The following KIF26A variants were observed in gnomAD, a reference collection of about 807,000 sequenced individuals.
KIF26A encodes kinesin family member 26A.
In KIF26A, 74 loss-of-function variants were observed where a neutral mutation model predicts 126.0. The ratio of observed to expected loss-of-function variants is 0.59; its 90% CI spans 0.49 to 0.71. The LOEUF is 0.71. Among genes scored for constraint, KIF26A ranks in the 30% least tolerant of loss-of-function variants. The pLI, the probability that KIF26A is intolerant of heterozygous loss-of-function variation, is 0.00. For missense variants in KIF26A, 2,984 were observed against 2,763.3 expected (o/e 1.08, Z -1.79); for synonymous variants, 1,445 against 1,232.7 (o/e 1.17, Z -3.61).
chr14:104,176,633 G>C lies in KIF26A; in HGVS notation c.3845G>C (p.Arg1282Thr). Reference protein sequence around the residue: ...EAQVMLACAQRVVDGCEVAAR... With the variant: ...EAQVMLACAQTVVDGCEVAAR... ...CAGGTGATGCTAGCCTGTGCCCAGA[G>C]AGTGGTGGACGGGTGTGAGGTGGCA... is the stretch of plus-strand genomic sequence containing the variant. Residue 1282 changes from arginine (R) to threonine (T), a missense_variant, in exon 12 of 15, where the codon AGA (arginine) becomes ACA (threonine). By Grantham distance (71) the Arg-to-Thr change is moderately conservative. Coordinates refer to ENST00000423312, the MANE Select transcript of KIF26A (RefSeq NM_015656.2). The C allele has an allele frequency of 1.2e-6, 2 of 1,607,940 alleles. No homozygotes were observed. The highest frequency in any genetic ancestry group is 1.7e-6 in the Non-Finnish European group (2 of 1,178,388).
At chr14:104,157,145 G>T (rs923360705) in intron 3 of KIF26A, among the ~76,000 whole-genome samples, 6 of 152,192 alleles carry the variant, frequency 3.9e-5, no homozygotes, top group Admixed American at 6.5e-5. Flanking sequence ...GCTCACGTTT[G>T]CTGGGCTGTC....
At chr14:104,164,305 A>G (rs2037860312) in intron 4 of KIF26A, among the ~76,000 whole-genome samples, 1 of 150,994 alleles carries the variant, frequency 6.6e-6, no homozygotes, top group African/African-American at 2.4e-5. Flanking sequence ...GGGTCGGGGG[A>G]GCGCCGGTGG....
In KIF26A at chr14:104,172,630, C is replaced by T; in HGVS notation, c.1382C>T (p.Ala461Val). Residue 461 changes from alanine to valine, a missense_variant, in exon 7 of 15, where the codon GCT becomes GTT. By Grantham distance (64) the Ala-to-Val change is moderately conservative (BLOSUM62 0). Coordinates refer to ENST00000423312, the MANE Select transcript of KIF26A (RefSeq NM_015656.2). Reference protein sequence around the residue: ...ADVLQSVVSGADGCIFSFGHM... With the variant: ...ADVLQSVVSGVDGCIFSFGHM... ...GTGCTCCAGTCGGTGGTCAGTGGGG[C>T]TGATGGCTGCATTTTTTCCTTTGGC... 6.2e-7 allele frequency: 1 copy of T among 1,613,262 alleles called. No homozygotes were observed. The highest frequency in any genetic ancestry group is 1.3e-5 in the African/African-American group (1 of 75,062).
chr14:104,178,410 A>C, intron 12 of KIF26A, 140 bp from the exon 13 acceptor site: 1 of 624,724 alleles, frequency 1.6e-6, no homozygotes, highest in Admixed American at 3.7e-5. Context: ...CCCTGGGCAG[A>C]GCGCCAGCCT....
chr14:104,158,769 G>A (rs572697492), intron 4 of KIF26A, among the ~76,000 whole-genome samples: 4 of 152,336 alleles, frequency 2.6e-5, no homozygotes, highest in Admixed American at 2.0e-4. Flanking sequence ...ATGGAGGGGC[G>A]TGGTGTGGGA....
Position 104,177,856 on chromosome 14 carries a change from G to C in KIF26A, c.5068G>C (p.Ala1690Pro). ...MSESGAASPG[A>P]RTRSLKSPKK... The stretch of plus-strand genomic sequence containing the variant: ...CGAGAGTGGGGCTGCCTCCCCAGGC[G>C]CCCGCACCCGCAGCCTCAAGTCCCC... Residue 1690 changes from alanine (A) to proline (P), a missense_variant, in exon 12 of 15, where the codon GCC (alanine) becomes CCC (proline). Ala to Pro is a conservative substitution (Grantham distance 27, BLOSUM62 -1). Transcript: ENST00000423312. 2 of 1,558,574 alleles carry C rather than the reference G, an allele frequency of 1.3e-6. No individual in the cohort carries two copies. The highest frequency in any genetic ancestry group is 1.7e-6 in the Non-Finnish European group (2 of 1,158,868).
intron 4 of KIF26A, among the ~76,000 whole-genome samples, chr14:104,162,376 G>A (rs2037841383): frequency 6.6e-6 from 1 of 152,196 alleles, no homozygotes; most frequent in African/African-American, 2.4e-5. Flanking sequence ...CCCTGGGTGT[G>A]CCCGCTGTGG....
intron 5 of KIF26A, among the ~76,000 whole-genome samples, chr14:104,169,189 G>C (rs773858515): frequency 9.2e-5 from 14 of 152,198 alleles, no homozygotes; most frequent in Non-Finnish European, 1.0e-4. Context: ...GAGAGCTCAG[G>C]AGGACGCCGA....
At chr14:104,158,936 C>A (rs2037808337) in intron 4 of KIF26A, among the ~76,000 whole-genome samples, 1 of 152,216 alleles carries the variant, frequency 6.6e-6, no homozygotes, top group Admixed American at 6.5e-5. Flanking sequence ...CCATTAGCAG[C>A]CCCACGCGGG....
chr14:104,177,512 C>A lies in KIF26A; in HGVS notation c.4724C>A (p.Ala1575Asp). 1.3e-6 allele frequency: 2 copies of A among 1,535,010 alleles called. No homozygotes were observed. The highest frequency in any genetic ancestry group is 1.7e-6 in the Non-Finnish European group (2 of 1,146,124). Residue 1575 changes from alanine (A) to aspartate (D), a missense_variant, in exon 12 of 15, where the codon GCC (alanine) becomes GAC (aspartate). Ala to Asp is a moderately radical substitution (Grantham distance 126). Coordinates refer to ENST00000423312, the MANE Select transcript of KIF26A (RefSeq NM_015656.2). ...SRVHELSASG[A>D]PGRGGSSWGS... The stretch of plus-strand genomic sequence containing the variant: ...GTCCATGAGCTGTCAGCCAGTGGAG[C>A]CCCGGGCCGAGGTGGCTCCTCGTGG...
At position 104,166,184 on chromosome 14, in the gene KIF26A, G is replaced by A. The variant is rs924889278; in HGVS notation, c.924-675G>A. Among the ~76,000 whole-genome samples the A allele has an allele frequency of 3.6e-5, 5 of 137,018 alleles. No homozygotes were observed. The East Asian group carries it at 9.7e-4, about 26-fold the overall frequency. The allele number at this position is 137,018 out of a possible 152,430, so 89.9% of individuals were successfully genotyped here. On this transcript the variant is annotated intron_variant, in intron 4 of 14. Transcript: ENST00000423312. ...GCCCTGAGTGACGAGGGTGGCAGGG[G>A]CCCAGGAGCTGGGCAGTGGCTCCAG...
chr14:104,142,284 G>T (rs980207293), intron 2 of KIF26A, among the ~76,000 whole-genome samples: 3 of 152,140 alleles, frequency 2.0e-5, no homozygotes, highest in Admixed American at 6.5e-5. Context: ...GGCCCTGGGT[G>T]TGGAGGGGAA....
At chr14:104,157,526 A>G (rs762041570) in intron 3 of KIF26A, among the ~76,000 whole-genome samples, 24 of 152,080 alleles carry the variant, frequency 1.6e-4, no homozygotes, top group Non-Finnish European at 3.2e-4. Context: ...ACACACCCCG[A>G]GCTGGGAACG....
At chr14:104,144,310 CG>C (rs1171618728) in intron 2 of KIF26A, among the ~76,000 whole-genome samples, 1 of 151,874 alleles carries the variant, frequency 6.6e-6, no homozygotes, top group African/African-American at 2.4e-5. Context: ...AGCTTTATGT[CG>C]GGGCAGGGAC....
chr14:104,168,621 G>C (rs902586369), intron 5 of KIF26A, among the ~76,000 whole-genome samples: 1 of 152,208 alleles, frequency 6.6e-6, no homozygotes, highest in Non-Finnish European at 1.5e-5. Flanking sequence ...CGATCTCCCT[G>C]ACTCTGGGTC....
Position 104,173,169 on chromosome 14 carries a change from C to A in KIF26A, c.1613C>A (p.Ala538Asp). 6.2e-7 allele frequency: 1 copy of A among 1,611,478 alleles called. No individual in the cohort carries two copies. The highest frequency in any genetic ancestry group is 2.2e-5 in the East Asian group (1 of 44,838). The stretch of plus-strand genomic sequence containing the variant: ...CTGCGGGACCTGCTGGCCGAGGTGG[C>A]CCCTGGCAGCCTCCAGGACACCCAG... Reference protein sequence around the residue: ...QSLRDLLAEVAPGSLQDTQSP... With the variant: ...QSLRDLLAEVDPGSLQDTQSP... Residue 538 changes from alanine to aspartate, a missense_variant, in exon 8 of 15, where the codon GCC becomes GAC. Transcript: ENST00000423312.
At chr14:104,145,391 G>T (rs1194913726) in intron 2 of KIF26A, among the ~76,000 whole-genome samples, 3 of 152,276 alleles carry the variant, frequency 2.0e-5, no homozygotes, top group Admixed American at 2.0e-4. Context: ...ACCTGTCCCC[G>T]ACCCCAGCAG....
intron 2 of KIF26A, among the ~76,000 whole-genome samples, chr14:104,146,378 A>G (rs545416603): frequency 9.9e-5 from 15 of 151,976 alleles, no homozygotes; most frequent in Admixed American, 6.5e-4. Flanking sequence ...CTTGTGGGGC[A>G]TGGGGTCCCT....
chr14:104,152,355 C>T lies in KIF26A; in HGVS notation c.629C>T (p.Ala210Val), dbSNP rs866358165. 3.8e-6 allele frequency: 6 copies of T among 1,587,876 alleles called. No homozygotes were observed. Among genetic ancestry groups the T allele is most frequent in the South Asian group, 2.3e-5 (2 of 87,186 alleles). ...AGTGTCCAGGTGTCTGTAGCACCTG[C>T]GGGTCTTGGAGGGGCGCTGAGCACG... is the stretch of plus-strand genomic sequence containing the variant. ...GPSVQVSVAPAGLGGALSTVT... is the reference protein window; with the variant it reads ...GPSVQVSVAPVGLGGALSTVT... The change falls in exon 3 of 15, where the codon GCG becomes GTG. Residue 210 changes from alanine to valine, a missense_variant. Coordinates refer to ENST00000423312, the MANE Select transcript of KIF26A (RefSeq NM_015656.2). The surrounding 1 kb of genome is among the most constrained non-coding windows in gnomAD (Gnocchi z 5.9).
Sources: gnomAD v4.1 joint callset for allele counts (sites outside exome capture counted in the v4.1 genomes callset) on GRCh38, gnomAD v4.1.1 for gene constraint, Gnocchi (gnomAD v3.1) non-coding constraint, MANE v1.5 for transcripts, NCBI Gene and HGNC (gene_info 2026-07-23, HGNC 2026-07-21) for gene names.